Variants in FAM110B observed in about 807,000 individuals in gnomAD.
FAM110B encodes protein FAM110B.
In FAM110B, 6 loss-of-function variants were observed where a neutral mutation model predicts 20.4. The observed-to-expected ratio is 0.29, with a 90% CI of 0.16 to 0.58. FAM110B has a LOEUF of 0.58. Ranked by LOEUF, FAM110B falls within the 20% of genes least tolerant of loss-of-function variation. The pLI, the probability that FAM110B is intolerant of heterozygous loss-of-function variation, is 0.90. For synonymous variants in FAM110B, 226 were observed against 214.1 expected, an observed-to-expected ratio of 1.06 and a Z score of -0.49; for missense variants, 434 against 498.2, an observed-to-expected ratio of 0.87 and a Z score of 1.23.
At chr8:58,049,488 T>C (rs1263981137) in intron 2 of FAM110B, among the ~76,000 whole-genome samples, 2 of 152,124 alleles carry the variant, frequency 1.3e-5, no homozygotes, top group African/African-American at 4.8e-5. Context: ...ATGTTTCTCA[T>C]TAGCTTGTAA....
rs559098313 is a variant in FAM110B at position 58,061,241 on chromosome 8, A to C, written c.-413-14294A>C. ...ACATTGAAAATACCATCAAGCTATC[A>C]GGTGGACAGTTCCTGTTGCTGCTCT... On this transcript the variant is annotated intron_variant, in intron 2 of 3. Transcript: ENST00000519262. Among the ~76,000 whole-genome samples the C allele has an allele frequency of 1.7e-3, 255 of 152,308 alleles. 2 individuals are homozygous for C. The highest frequency in any genetic ancestry group is 5.5e-3 in the African/African-American group (227 of 41,544).
At chr8:58,016,027 C>G (rs1401933525) in intron 1 of FAM110B, among the ~76,000 whole-genome samples, 1 of 151,834 alleles carries the variant, frequency 6.6e-6, no homozygotes, top group Non-Finnish European at 1.5e-5. Flanking sequence ...TATATTTGAC[C>G]CATTTAATCT....
At chr8:58,083,966 A>T (rs1006759444) in intron 3 of FAM110B, among the ~76,000 whole-genome samples, 3 of 152,246 alleles carry the variant, frequency 2.0e-5, no homozygotes. Context: ...CTGGGTACAT[A>T]GGAGAGTACG....
chr8:58,048,313 G>T (rs535391094), intron 2 of FAM110B, among the ~76,000 whole-genome samples: 2 of 152,262 alleles, frequency 1.3e-5, no homozygotes, highest in East Asian at 3.9e-4. Flanking sequence ...TTTTAAAAAG[G>T]AATATTAACA....
rs1321371698 is a variant in FAM110B at position 58,148,729 on chromosome 8, A to G, written c.*1386A>G. The stretch of plus-strand genomic sequence containing the variant: ...CTTTGTACATACTTCAGTTGTTATG[A>G]AATCTTTAAAGAAAAAAAGAAAAAG... On this transcript the variant is annotated 3_prime_UTR_variant, in exon 4 of 4. Transcript: ENST00000519262. 6.0e-6 allele frequency: 1 copy of G among 167,122 alleles called. No homozygotes were observed. Among genetic ancestry groups the G allele is most frequent in the Non-Finnish European group, 1.5e-5 (1 of 68,124 alleles). 10.4% of individuals were successfully genotyped at this position (167,122 alleles called of 1,614,324 possible).
chr8:58,096,751 T>G (rs1563368683), intron 3 of FAM110B, among the ~76,000 whole-genome samples: 1 of 152,228 alleles, frequency 6.6e-6, no homozygotes, highest in Non-Finnish European at 1.5e-5. Context: ...TGACAGAATC[T>G]CTCAGCATTT....
intron 2 of FAM110B, among the ~76,000 whole-genome samples, chr8:58,064,834 CG>C (rs1310311854): frequency 1.3e-5 from 2 of 152,056 alleles, no homozygotes. Flanking sequence ...TGCGATAAAA[CG>C]TAATAAATGG....
chr8:58,029,758 G>T (rs763580712), intron 1 of FAM110B, among the ~76,000 whole-genome samples: 1 of 152,112 alleles, frequency 6.6e-6, no homozygotes, highest in South Asian at 2.1e-4. Context: ...GCAGATGACC[G>T]TATGATCCCT....
chr8:58,110,377 A>G (rs1015618585), intron 3 of FAM110B, among the ~76,000 whole-genome samples: 4 of 152,224 alleles, frequency 2.6e-5, no homozygotes, highest in African/African-American at 7.2e-5. Context: ...TAAATTGTAC[A>G]GAAGAGAAAG....
chr8:58,074,028 G>T (rs1339609246), intron 2 of FAM110B, among the ~76,000 whole-genome samples: 1 of 152,136 alleles, frequency 6.6e-6, no homozygotes, highest in African/African-American at 2.4e-5. Context: ...TCTGTCATGT[G>T]TTACCCTAGC....
At chr8:58,041,392 C>A (rs889178561) in intron 2 of FAM110B, among the ~76,000 whole-genome samples, 2 of 152,180 alleles carry the variant, frequency 1.3e-5, no homozygotes, top group African/African-American at 4.8e-5. Context: ...TCCTATGTTA[C>A]CCTTCTGTCC....
At chr8:58,125,505 C>A (rs1316468051) in intron 3 of FAM110B, among the ~76,000 whole-genome samples, 3 of 152,146 alleles carry the variant, frequency 2.0e-5, no homozygotes, top group Non-Finnish European at 1.5e-5. Context: ...ATTTAAAAAA[C>A]ATTTTAATCC....
At position 58,011,521 on chromosome 8, in the gene FAM110B, C is replaced by T. The variant is rs569680809; in HGVS notation, c.-512+16715C>T. ...CTAAAACCTCACCCCAAAGTGAACACGAGATGTATGTTACGTATATGTTTA... is the reference window on the plus strand; with the variant it reads ...CTAAAACCTCACCCCAAAGTGAACATGAGATGTATGTTACGTATATGTTTA... On this transcript the variant is annotated intron_variant, in intron 1 of 3. Transcript: ENST00000519262. Among the ~76,000 whole-genome samples, 12 of 152,254 alleles carry T rather than the reference C, an allele frequency of 7.9e-5. No individual in the cohort carries two copies. The South Asian group carries it at 1.5e-3, about 18-fold the overall frequency.
chr8:58,084,076 G>T (rs990361558), intron 3 of FAM110B, among the ~76,000 whole-genome samples: 2 of 152,130 alleles, frequency 1.3e-5, no homozygotes, highest in Non-Finnish European at 2.9e-5. Flanking sequence ...CCATATTAGT[G>T]GTCTGTCCTG....
intron 2 of FAM110B, among the ~76,000 whole-genome samples, chr8:58,071,937 A>G (rs1265646455): frequency 1.3e-5 from 2 of 152,194 alleles, no homozygotes; most frequent in African/African-American, 2.4e-5. Flanking sequence ...GGTGCGTATC[A>G]GTAGCGGAGA....
At chr8:58,115,967 G>T (rs1348721527) in intron 3 of FAM110B, among the ~76,000 whole-genome samples, 2 of 152,200 alleles carry the variant, frequency 1.3e-5, no homozygotes, top group Non-Finnish European at 2.9e-5. Flanking sequence ...ACCCTGGCCA[G>T]TTCGTTCACT....
intron 2 of FAM110B, among the ~76,000 whole-genome samples, chr8:58,055,741 G>A (rs1805533546): frequency 6.6e-6 from 1 of 152,158 alleles, no homozygotes; most frequent in African/African-American, 2.4e-5. Context: ...TAGCCATCCG[G>A]AGTTACACAT....
At chr8:58,029,733 A>C (rs775093122) in intron 1 of FAM110B, among the ~76,000 whole-genome samples, 1 of 152,168 alleles carries the variant, frequency 6.6e-6, no homozygotes, top group Non-Finnish European at 1.5e-5. Context: ...TCATCTGTGA[A>C]ATGAGTCAAC....
chr8:58,125,213 T>A (rs549190504), intron 3 of FAM110B, among the ~76,000 whole-genome samples: 38 of 152,238 alleles, frequency 2.5e-4, no homozygotes, highest in African/African-American at 8.9e-4. Flanking sequence ...CTGGGCGTGG[T>A]GGCGCATGCC....
Sources: allele counts gnomAD v4.1 joint callset (sites outside exome capture counted in the v4.1 genomes callset), GRCh38; gene constraint gnomAD v4.1.1; transcripts MANE v1.5; gene names NCBI Gene and HGNC (gene_info 2026-07-23, HGNC 2026-07-21).